Variants in CNBD1 observed in about 807,000 individuals in gnomAD.
CNBD1 encodes cyclic nucleotide-binding domain-containing protein 1.
CNBD1 carries 71 observed loss-of-function variants against 54.4 expected under a neutral mutation model. The ratio of observed to expected loss-of-function variants is 1.30; its 90% CI spans 1.08 to 1.59. The LOEUF is 1.59. Ranked by LOEUF, CNBD1 falls within the 40% of genes most tolerant of loss-of-function variation. The pLI is 0.00. For missense variants in CNBD1, 659 were observed against 518.0 expected, an observed-to-expected ratio of 1.27 and a Z score of -2.64; for synonymous variants, 182 against 170.7, an observed-to-expected ratio of 1.07 and a Z score of -0.51.
chr8:86,960,927 C>A (rs1329034285), intron 4 of CNBD1, among the ~76,000 whole-genome samples: 1 of 152,218 alleles, frequency 6.6e-6, no homozygotes, highest in Non-Finnish European at 1.5e-5. Flanking sequence ...AGGGTCCTGA[C>A]TGTTAGAAGG....
At chr8:86,889,570 A>C (rs1349887110) in intron 2 of CNBD1, among the ~76,000 whole-genome samples, 3 of 152,118 alleles carry the variant, frequency 2.0e-5, no homozygotes, top group African/African-American at 4.8e-5. Context: ...AAAGGGCATT[A>C]GTTTTGATTC....
At chr8:87,268,308 AG>A (rs1465645219) in intron 6 of CNBD1, among the ~76,000 whole-genome samples, 1 of 152,128 alleles carries the variant, frequency 6.6e-6, no homozygotes, top group African/African-American at 2.4e-5. Context: ...GTTTTGTGTT[AG>A]TTCATGGTGT....
chr8:87,331,999 C>A (rs1809843860), intron 8 of CNBD1, among the ~76,000 whole-genome samples: 1 of 147,610 alleles, frequency 6.8e-6, no homozygotes, highest in South Asian at 2.1e-4. Context: ...AATTTTCTCC[C>A]ATTCTGTAGG....
chr8:87,307,605 G>A (rs1027592936), intron 8 of CNBD1, among the ~76,000 whole-genome samples: 1 of 151,966 alleles, frequency 6.6e-6, no homozygotes, highest in Non-Finnish European at 1.5e-5. Flanking sequence ...GGGCATGGAG[G>A]CACATGCCTA....
chr8:87,018,561 G>T (rs1439344999), intron 4 of CNBD1, among the ~76,000 whole-genome samples: 1 of 152,112 alleles, frequency 6.6e-6, no homozygotes, highest in South Asian at 2.1e-4. Context: ...AAAGGAGTAG[G>T]TTCCTTTTCC....
In CNBD1 at chr8:87,369,731, T is replaced by A. The variant is rs189898003; in HGVS notation, c.1304-12889T>A. Among the ~76,000 whole-genome samples the A allele has an allele frequency of 3.7e-3, 558 of 152,160 alleles. 2 individuals are homozygous for A. The highest frequency in any genetic ancestry group is 0.013 in the African/African-American group (522 of 41,530). On this transcript the variant is annotated intron_variant, in intron 10 of 10. Coordinates refer to ENST00000518476, the MANE Select transcript of CNBD1 (RefSeq NM_173538.3). ...ACTTTCCTAGTGCTGCTTTCTTTTT[T>A]TTTTATTATTATACTTTAAGTTTTA...
intron 8 of CNBD1, among the ~76,000 whole-genome samples, chr8:87,320,492 A>G (rs1350839295): frequency 1.3e-5 from 2 of 152,098 alleles, no homozygotes; most frequent in African/African-American, 2.4e-5. Context: ...TGACAGAGGC[A>G]AATTATTTTG....
At chr8:86,955,103 A>G (rs1465918091) in intron 4 of CNBD1, among the ~76,000 whole-genome samples, 3 of 151,432 alleles carry the variant, frequency 2.0e-5, no homozygotes, top group Admixed American at 1.3e-4. Context: ...CTGTCCTTGC[A>G]ATAGTTTGCT....
At chr8:87,032,425 G>A (rs531351912) in intron 4 of CNBD1, among the ~76,000 whole-genome samples, 8 of 152,192 alleles carry the variant, frequency 5.3e-5, no homozygotes, top group Admixed American at 2.0e-4. Flanking sequence ...AAAAGAAAAC[G>A]CTATTAAGAA....
At chr8:87,416,341 ATTTG>A (rs1280053531) in intron 2 of CNBD1, among the ~76,000 whole-genome samples, 18 of 152,170 alleles carry the variant, frequency 1.2e-4, no homozygotes, top group Admixed American at 1.2e-3. Flanking sequence ...GTTTTCAGTT[ATTTG>A]CAAATTAACC....
intron 2 of CNBD1, among the ~76,000 whole-genome samples, chr8:87,418,323 T>C (rs1365000382): frequency 6.6e-6 from 1 of 151,830 alleles, no homozygotes; most frequent in East Asian, 1.9e-4. Flanking sequence ...ACATGCAAAA[T>C]ATGAATTTGG....
intron 6 of CNBD1, among the ~76,000 whole-genome samples, chr8:87,251,255 T>G (rs1807911044): frequency 6.6e-6 from 1 of 152,180 alleles, no homozygotes; most frequent in Non-Finnish European, 1.5e-5. Flanking sequence ...TTCTGAATGT[T>G]GGACATGACT....
At chr8:86,900,015 T>C (rs7839565) in intron 2 of CNBD1, among the ~76,000 whole-genome samples, 73,405 of 151,798 alleles carry the variant, frequency 0.48, 18,353 homozygotes, top group South Asian at 0.6. Flanking sequence ...CTTTCCCCCC[T>C]CTTTTCTTGC....
chr8:87,057,844 A>G (rs779615391), intron 4 of CNBD1, among the ~76,000 whole-genome samples: 34 of 152,150 alleles, frequency 2.2e-4, no homozygotes, highest in Non-Finnish European at 3.4e-4. Flanking sequence ...ACAAGACTCC[A>G]TCTAAAAAAC....
rs1442285244 is a variant in CNBD1 at position 86,976,186 on chromosome 8, C to CT, written c.431+36432_431+36433insT. ...TCTCAGTCTGTGGGTTGTGCATTGA[C>CT]CTTTTTTTTTTTTTTTTTTTTTGCT... On this transcript the variant is annotated intron_variant, in intron 4 of 10. Coordinates refer to ENST00000518476, the MANE Select transcript of CNBD1 (RefSeq NM_173538.3). Among the ~76,000 whole-genome samples the CT allele has an allele frequency of 1.7e-4, 7 of 42,012 alleles. No individual in the cohort carries two copies. In the East Asian group the frequency reaches 3.6e-3, roughly 22 times the overall value. 27.6% of individuals were successfully genotyped at this position (42,012 alleles called of 152,430 possible).
rs573184337 is a variant in CNBD1 at position 86,978,700 on chromosome 8, G to GC, written c.431+38948dup. 2.3e-3 allele frequency among the ~76,000 whole-genome samples: 343 copies of GC among 151,802 alleles called. 1 individual carries two copies. The highest frequency in any genetic ancestry group is 4.1e-3 in the Admixed American group (63 of 15,246). On this transcript the variant is annotated intron_variant, in intron 4 of 10. Coordinates refer to ENST00000518476, the MANE Select transcript of CNBD1 (RefSeq NM_173538.3). ...TGGGATAACAGGCATGCTCCAACAC[G>GC]CCTGGCTAATTTTTGTATTTTTAGT... is the stretch of plus-strand genomic sequence containing the variant.
At chr8:87,176,038 C>A (rs1813190015) in intron 4 of CNBD1, among the ~76,000 whole-genome samples, 1 of 152,234 alleles carries the variant, frequency 6.6e-6, no homozygotes. Flanking sequence ...AATCACTGCA[C>A]TGTACCTCTC....
intron 3 of CNBD1, among the ~76,000 whole-genome samples, chr8:86,910,642 G>T (rs1246180291): frequency 1.3e-5 from 2 of 152,124 alleles, no homozygotes; most frequent in Non-Finnish European, 2.9e-5. Context: ...AATAAGAAAA[G>T]ACATAGATTT....
chr8:87,228,839 C>T (rs927478454), intron 5 of CNBD1, among the ~76,000 whole-genome samples: 7 of 152,216 alleles, frequency 4.6e-5, no homozygotes, highest in African/African-American at 1.7e-4. Flanking sequence ...CCTCCTCCAG[C>T]CTCGCTGCTG....
Sources: gnomAD v4.1 joint callset for allele counts (sites outside exome capture counted in the v4.1 genomes callset) on GRCh38, gnomAD v4.1.1 for gene constraint, MANE v1.5 for transcripts, NCBI Gene and HGNC (gene_info 2026-07-23, HGNC 2026-07-21) for gene names.